The following COL4A6 variants were observed in gnomAD, a reference collection of about 807,000 sequenced individuals.
COL4A6 encodes collagen type IV alpha 6 chain.
In COL4A6, 59 loss-of-function variants were observed where a neutral mutation model predicts 126.7. The ratio of observed to expected loss-of-function variants is 0.47; its 90% CI spans 0.38 to 0.58. COL4A6 has a LOEUF of 0.58. COL4A6 is among the 20% of genes least tolerant of loss of function. The pLI is 0.00. For missense variants in COL4A6, 1,285 were observed against 1,337.3 expected, an observed-to-expected ratio of 0.96 and a Z score of 0.61; for synonymous variants, 547 against 496.6, an observed-to-expected ratio of 1.10 and a Z score of -1.35.
chrX:108,345,991 T>C (rs2039695221), intron 2 of COL4A6, among the ~76,000 whole-genome samples: 1 of 111,022 alleles, frequency 9.0e-6, no homozygotes, highest in Non-Finnish European at 1.9e-5. Flanking sequence ...GAAACACAAG[T>C]CTAAATGTTG....
At position 108,155,640 on chromosome X, in the gene COL4A6, A is replaced by G. The variant is rs1046669625; in HGVS notation, c.*1360T>C. ...TCAGATTTCATTTATTTTATTTGCT[A>G]TGTACAAAACTGACACCATGCTTAT... is the stretch of plus-strand genomic sequence containing the variant. On this transcript the variant is annotated 3_prime_UTR_variant, in exon 45 of 45. Transcript: ENST00000334504. The G allele has an allele frequency of 2.8e-4, 31 of 112,201 alleles. No homozygotes were observed. The highest frequency in any genetic ancestry group is 3.7e-4 in the South Asian group (1 of 2,667). 9.2% of individuals were successfully genotyped at this position (112,201 alleles called of 1,213,427 possible).
Position 108,337,334 on chromosome X carries a change from A to G in COL4A6, c.64-26506T>C, listed in dbSNP as rs1441732090. On this transcript the variant is annotated intron_variant, in intron 2 of 44. Transcript: ENST00000334504. ...ATCACCCACCATGTGTTGGTACATA[A>G]TAGATGCCCAATAAATACTTAGGAT... Among the ~76,000 whole-genome samples the G allele has an allele frequency of 3.6e-5, 4 of 112,029 alleles. No homozygotes were observed. The East Asian group carries it at 1.1e-3, about 31-fold the overall frequency.
chrX:108,279,495 A>G (rs2037732552), intron 3 of COL4A6, among the ~76,000 whole-genome samples: 1 of 111,889 alleles, frequency 8.9e-6, no homozygotes, highest in African/African-American at 3.3e-5. Flanking sequence ...TCATAAGGCA[A>G]GTCCTGAGTG....
At chrX:108,377,870 A>T (rs2040476069) in intron 2 of COL4A6, among the ~76,000 whole-genome samples, 1 of 92,155 alleles carries the variant, frequency 1.1e-5, no homozygotes, top group Admixed American at 1.4e-4. Flanking sequence ...TGAACCCGGG[A>T]GGCGGAGCTT....
chrX:108,254,523 T>G (rs1366621852), intron 3 of COL4A6, among the ~76,000 whole-genome samples: 1 of 108,984 alleles, frequency 9.2e-6, no homozygotes, highest in East Asian at 2.9e-4. Flanking sequence ...TTGTTTTTTG[T>G]TTTTTTTTGG....
intron 23 of COL4A6, among the ~76,000 whole-genome samples, chrX:108,186,594 G>A (rs972062198): frequency 9.0e-6 from 1 of 111,708 alleles, no homozygotes; most frequent in Non-Finnish European, 1.9e-5. Context: ...AGAAAAAGAA[G>A]TTATATAAAG....
intron 2 of COL4A6, among the ~76,000 whole-genome samples, chrX:108,382,159 G>A (rs897484690): frequency 9.0e-6 from 1 of 111,316 alleles, no homozygotes; most frequent in African/African-American, 3.3e-5. Context: ...CTCACATCTT[G>A]TCTTTCCTCA....
intron 2 of COL4A6, among the ~76,000 whole-genome samples, chrX:108,392,457 G>GA (rs368727247): frequency 0.012 from 1,066 of 92,398 alleles, 8 homozygotes; most frequent in Non-Finnish European, 0.015. Flanking sequence ...CAAATGATCT[G>GA]AAAAAAAAAA....
intron 2 of COL4A6, among the ~76,000 whole-genome samples, chrX:108,413,261 A>C (rs1035466954): frequency 4.5e-5 from 5 of 111,549 alleles, no homozygotes; most frequent in Non-Finnish European, 7.5e-5. Context: ...ATTTAATCTT[A>C]ACATATTTTA....
rs775238094 is a variant in COL4A6, at chrX:108,417,831, C to T, written c.63+20111G>A. Among the ~76,000 whole-genome samples, 8 of 111,784 alleles carry T rather than the reference C, an allele frequency of 7.2e-5. No individual in the cohort carries two copies. The East Asian group carries it at 2.0e-3, about 27-fold the overall frequency. On this transcript the variant is annotated intron_variant, in intron 2 of 44. Coordinates refer to ENST00000334504, the MANE Select transcript of COL4A6 (RefSeq NM_033641.4). Reference sequence around the variant, plus strand: ...ATTCTTCCCTTAGAGTGGTATTTCTCATCCTTCAGAGAACTCTAAGGAACT... The same window carrying T: ...ATTCTTCCCTTAGAGTGGTATTTCTTATCCTTCAGAGAACTCTAAGGAACT...
chrX:108,344,069 T>A (rs1444764781), intron 2 of COL4A6, among the ~76,000 whole-genome samples: 2 of 111,476 alleles, frequency 1.8e-5, no homozygotes, highest in Non-Finnish European at 3.8e-5. Flanking sequence ...TGTTTCTATT[T>A]TGTCAATCCC....
At chrX:108,202,877 T>C (rs748594819) in intron 13 of COL4A6, 51 bp downstream of exon 13, 1 of 1,050,073 alleles carries the variant, frequency 9.5e-7, no homozygotes, top group East Asian at 3.0e-5. Context: ...TTGCTACAGC[T>C]TTTGTCCAAT....
chrX:108,170,971 T>C, intron 33 of COL4A6, 54 bp from the exon 34 acceptor site: 1 of 1,025,040 alleles, frequency 9.8e-7, no homozygotes, highest in Non-Finnish European at 1.4e-6. Context: ...AGCAGTGTAT[T>C]CCTCTATGGG....
chrX:108,190,470 G>A lies in COL4A6; in HGVS notation c.1348C>T (p.His450Tyr), dbSNP rs751305651. 8.3e-7 allele frequency: 1 copy of A among 1,203,119 alleles called. No homozygotes were observed. The highest frequency in any genetic ancestry group is 3.0e-5 in the East Asian group (1 of 33,812). Reference protein sequence around the residue: ...PSPEFETETLHNKESGFPGLR... With the variant: ...PSPEFETETLYNKESGFPGLR... ...CCAGGGAACCCTGACTCTTTGTTGT[G>A]TAGAGTTTCAGTCTCAAATTCTGGA... The change falls in exon 20 of 45, where the codon CAC becomes TAC. Residue 450 changes from histidine (H) to tyrosine (Y), a missense_variant. Coordinates refer to ENST00000334504, the MANE Select transcript of COL4A6 (RefSeq NM_033641.4).
Position 108,180,942 on chromosome X carries a change from C to T in COL4A6, c.1978G>A (p.Gly660Arg), listed in dbSNP as rs1172794572. 1 of 1,209,229 alleles carries T rather than the reference C, an allele frequency of 8.3e-7. No homozygotes were observed. Among genetic ancestry groups the T allele is most frequent in the African/African-American group, 1.7e-5 (1 of 57,228 alleles). Reference sequence around the variant, plus strand: ...GGAAATCCTGATGGACCGTATGACCCAGGAATAATACAGGGCAGGGTGATT... The same window carrying T: ...GGAAATCCTGATGGACCGTATGACCTAGGAATAATACAGGGCAGGGTGATT... ...KGITLPCIIP[G>R]SYGPSGFPGT... The change falls in exon 24 of 45, where the codon GGG becomes AGG. Residue 660 changes from glycine (G) to arginine (R), a missense_variant. Physicochemically the swap from Gly to Arg is moderately radical, Grantham distance 125. Coordinates refer to ENST00000334504, the MANE Select transcript of COL4A6 (RefSeq NM_033641.4).
At chrX:108,222,608 C>T (rs150865266) in intron 3 of COL4A6, among the ~76,000 whole-genome samples, 3,233 of 111,613 alleles carry the variant, frequency 0.029, 124 homozygotes, top group African/African-American at 0.1. Context: ...CGAAGACCTA[C>T]GACCCTTGCA....
intron 2 of COL4A6, among the ~76,000 whole-genome samples, chrX:108,320,980 G>T (rs1335785680): frequency 9.0e-6 from 1 of 111,355 alleles, no homozygotes. Context: ...GAAGATCTTG[G>T]GTTCACTATA....
intron 3 of COL4A6, among the ~76,000 whole-genome samples, chrX:108,273,558 A>G (rs1374888516): frequency 8.9e-6 from 1 of 112,420 alleles, no homozygotes; most frequent in Non-Finnish European, 1.9e-5. Flanking sequence ...ACTACTCACA[A>G]TAGCAAAGAC....
chrX:108,365,232 G>T (rs1433820909), intron 2 of COL4A6, among the ~76,000 whole-genome samples: 1 of 111,819 alleles, frequency 8.9e-6, no homozygotes, highest in African/African-American at 3.2e-5. Context: ...CTTGCTTATG[G>T]TCATATGTAT....
Sources: allele counts gnomAD v4.1 joint callset (sites outside exome capture counted in the v4.1 genomes callset), GRCh38; gene constraint gnomAD v4.1.1; transcripts MANE v1.5; gene names NCBI Gene and HGNC (gene_info 2026-07-23, HGNC 2026-07-21).